Variants in FOXP1 observed in about 807,000 individuals in gnomAD.
FOXP1 encodes forkhead box protein P1.
Under a neutral mutation model 98.2 loss-of-function variants are expected in FOXP1, and 15 were observed. The observed-to-expected ratio is 0.15, with a 90% CI of 0.10 to 0.24. The LOEUF (loss-of-function observed/expected upper bound fraction) is 0.24. Among genes scored for constraint, FOXP1 ranks in the 10% least tolerant of loss-of-function variants. FOXP1 has a pLI of 1.00. For missense variants in FOXP1, 633 were observed against 848.5 expected (o/e 0.75, Z 3.15); for synonymous variants, 371 against 314.5 (o/e 1.18, Z -1.90).
chr3:71,020,530 C>A (rs990386371), intron 11 of FOXP1, among the ~76,000 whole-genome samples: 3 of 152,162 alleles, frequency 2.0e-5, no homozygotes, highest in Admixed American at 6.5e-5. Flanking sequence ...TAAATAAGGA[C>A]AACTTCTCAA....
intron 6 of FOXP1, among the ~76,000 whole-genome samples, chr3:71,172,597 C>T (rs928183525): frequency 6.6e-6 from 1 of 152,138 alleles, no homozygotes. Flanking sequence ...TAAGCAACTG[C>T]CTAAGGTCAC....
At position 71,047,114 on chromosome 3, in the gene FOXP1, A is replaced by G. The variant is rs1210990727; in HGVS notation, c.511-19T>C. ...GCTGTTGCTGTAAGAAATCAGGAAGAAAAAATGAGATGGCCACTTCCCAAG... is the reference window on the plus strand; with the variant it reads ...GCTGTTGCTGTAAGAAATCAGGAAGGAAAAATGAGATGGCCACTTCCCAAG... On this transcript the variant is annotated intron_variant, in intron 9 of 20. Coordinates refer to ENST00000649528, the MANE Select transcript of FOXP1 (RefSeq NM_001349338.3). The G allele has an allele frequency of 1.2e-6, 2 of 1,613,820 alleles. No individual in the cohort carries two copies. Among genetic ancestry groups the G allele is most frequent in the South Asian group, 1.1e-5 (1 of 91,072 alleles).
intron 7 of FOXP1, 71 bp downstream of exon 7, chr3:71,112,465 T>C (rs1488403920): frequency 2.5e-6 from 3 of 1,193,428 alleles, no homozygotes; most frequent in Non-Finnish European, 3.7e-6. Context: ...CTCAACACAA[T>C]CCACTCCTGA....
At chr3:71,472,756 G>GT (rs1265921915) in intron 3 of FOXP1, among the ~76,000 whole-genome samples, 2 of 152,180 alleles carry the variant, frequency 1.3e-5, no homozygotes, top group Admixed American at 6.5e-5. Flanking sequence ...ACGCTAGTTG[G>GT]TTTTTCCCCC....
At chr3:71,124,281 GT>G (rs2058998727) in intron 6 of FOXP1, among the ~76,000 whole-genome samples, 1 of 151,356 alleles carries the variant, frequency 6.6e-6, no homozygotes, top group Admixed American at 6.6e-5. Flanking sequence ...TTCTTTTCAG[GT>G]TGGGCCTTTC....
chr3:71,329,705 A>T (rs2076182071), intron 4 of FOXP1: 1 of 152,196 alleles, frequency 6.6e-6, no homozygotes, highest in African/African-American at 2.4e-5. Flanking sequence ...TCATGGTTTG[A>T]GGCCTAATAC....
chr3:71,065,566 G>A (rs1264205697), intron 7 of FOXP1: 1 of 152,222 alleles, frequency 6.6e-6, no homozygotes, highest in African/African-American at 2.4e-5. Flanking sequence ...AAGTGTGCCA[G>A]TGCGCACCGA....
chr3:71,163,825 C>T (rs752050702), intron 6 of FOXP1, among the ~76,000 whole-genome samples: 5 of 151,928 alleles, frequency 3.3e-5, no homozygotes, highest in Non-Finnish European at 7.4e-5. Flanking sequence ...CAGTTTAGAG[C>T]GGTAGAGTTT....
At chr3:71,254,981 C>T (rs984706878) in intron 5 of FOXP1, among the ~76,000 whole-genome samples, 2 of 152,136 alleles carry the variant, frequency 1.3e-5, no homozygotes, top group East Asian at 3.9e-4. Context: ...GATTTAGAAC[C>T]ACCTCACAGC....
chr3:71,218,162 G>A (rs927016729), intron 5 of FOXP1, among the ~76,000 whole-genome samples: 1 of 152,168 alleles, frequency 6.6e-6, no homozygotes, highest in Non-Finnish European at 1.5e-5. Flanking sequence ...GCTCTCCAAA[G>A]TCCCACCTCT....
intron 5 of FOXP1, among the ~76,000 whole-genome samples, chr3:71,268,264 T>C (rs904890515): frequency 6.6e-6 from 1 of 151,714 alleles, no homozygotes; most frequent in Non-Finnish European, 1.5e-5. Flanking sequence ...CTAATTTATT[T>C]CAGCTTCTAA....
intron 4 of FOXP1, among the ~76,000 whole-genome samples, chr3:71,358,161 C>G (rs968410826): frequency 4.6e-5 from 7 of 152,048 alleles, no homozygotes; most frequent in African/African-American, 1.7e-4. Context: ...TTATTAAGGC[C>G]TATATTAAAG....
chr3:71,352,692 C>G (rs947681234), intron 4 of FOXP1, among the ~76,000 whole-genome samples: 11 of 152,088 alleles, frequency 7.2e-5, no homozygotes, highest in African/African-American at 2.7e-4. Flanking sequence ...GTCTGGCATA[C>G]AGACAGTAAA....
In FOXP1 at chr3:70,978,109, C is replaced by T; in HGVS notation, c.1147-80G>A. The T allele has an allele frequency of 3.4e-6, 4 of 1,184,710 alleles. No homozygotes were observed. In the South Asian group the frequency reaches 3.7e-5, roughly 11 times the overall value. 73.4% of individuals were successfully genotyped at this position (1,184,710 alleles called of 1,614,324 possible). On this transcript the variant is annotated intron_variant, in intron 14 of 20. Coordinates refer to ENST00000649528, the MANE Select transcript of FOXP1 (RefSeq NM_001349338.3). ...GGAACCACATCTAGCAGGAGTAACA[C>T]AGAGGATGCGTGGGCACCGTTTCTT...
At chr3:71,424,914 G>A (rs1028931489) in intron 3 of FOXP1, among the ~76,000 whole-genome samples, 1 of 152,174 alleles carries the variant, frequency 6.6e-6, no homozygotes, top group African/African-American at 2.4e-5. Flanking sequence ...AAGAGGTAAG[G>A]AGTGATCAAG....
intron 5 of FOXP1, among the ~76,000 whole-genome samples, chr3:71,255,857 GTAAT>G (rs1364027422): frequency 1.3e-5 from 2 of 152,034 alleles, no homozygotes; most frequent in African/African-American, 4.8e-5. Flanking sequence ...CATGCAAGAA[GTAAT>G]TAAAGTAAAT....
In FOXP1 at chr3:71,491,418, C is replaced by T. The variant is rs535255606; in HGVS notation, c.-168+2008G>A. Among the ~76,000 whole-genome samples, 21 of 152,276 alleles carry T rather than the reference C, an allele frequency of 1.4e-4. No individual in the cohort carries two copies. The East Asian group carries it at 2.1e-3, about 15-fold the overall frequency. On this transcript the variant is annotated intron_variant, in intron 3 of 20. Transcript: ENST00000649528. ...AGCAATGGAAAACCTCAGGAGTTCA[C>T]GGGTGAGAGAACCGAACAACTTGCC...
At chr3:71,178,450 T>C (rs1046352074) in intron 6 of FOXP1, among the ~76,000 whole-genome samples, 1 of 151,876 alleles carries the variant, frequency 6.6e-6, no homozygotes, top group Admixed American at 6.6e-5. Flanking sequence ...TTCTAACCCA[T>C]AAACATCTTT....
At chr3:70,982,368 G>C (rs1230823652) in intron 14 of FOXP1, among the ~76,000 whole-genome samples, 1 of 152,128 alleles carries the variant, frequency 6.6e-6, no homozygotes, top group South Asian at 2.1e-4. Flanking sequence ...CTGGGGCATG[G>C]GGCAGGAAGG....
Sources: allele counts gnomAD v4.1 joint callset (sites outside exome capture counted in the v4.1 genomes callset), GRCh38; gene constraint gnomAD v4.1.1; transcripts MANE v1.5; gene names NCBI Gene and HGNC (gene_info 2026-07-23, HGNC 2026-07-21).